Variants in POU2F3 observed in about 807,000 individuals in gnomAD.
The protein encoded by POU2F3 is POU domain, class 2, transcription factor 3.
Under a neutral mutation model 59.2 loss-of-function variants are expected in POU2F3, and 23 were observed. The ratio of observed to expected loss-of-function variants is 0.39; its 90% CI spans 0.28 to 0.55. POU2F3 has a LOEUF of 0.55. POU2F3 is among the 20% of genes least tolerant of loss of function. The pLI, the probability that POU2F3 is intolerant of heterozygous loss-of-function variation, is 0.66. For missense variants in POU2F3, 473 were observed against 544.5 expected, an observed-to-expected ratio of 0.87 and a Z score of 1.31; for synonymous variants, 190 against 214.6, an observed-to-expected ratio of 0.89 and a Z score of 1.00.
chr11:120,279,185 T>TC (rs1940458383), intron 3 of POU2F3, among the ~76,000 whole-genome samples: 2 of 151,630 alleles, frequency 1.3e-5, no homozygotes, highest in East Asian at 1.9e-4. Context: ...TCTGTGGTTC[T>TC]CCCCCCACCA....
intron 6 of POU2F3, 59 bp from the exon 7 acceptor site, chr11:120,304,971 A>AAAAAAAAAAAATTT: frequency 1.0e-6 from 1 of 991,260 alleles, no homozygotes; most frequent in Non-Finnish European, 1.4e-6. Flanking sequence ...AAAAAAAAAA[A>AAAAAAAAAAAATTT]TCAGAAAATG....
At position 120,272,347 on chromosome 11, in the gene POU2F3, T is replaced by C. The variant is rs1216986706; in HGVS notation, c.132+3103T>C. On this transcript the variant is annotated intron_variant, in intron 3 of 12. Transcript: ENST00000543440. Reference sequence around the variant, plus strand: ...GCCCATTTTTCCCATGAGGCCTTGCTGCACCTGCCCTGCTCCCTGTATCCA... The same window carrying C: ...GCCCATTTTTCCCATGAGGCCTTGCCGCACCTGCCCTGCTCCCTGTATCCA... Among the ~76,000 whole-genome samples the C allele has an allele frequency of 3.3e-5, 5 of 152,340 alleles. No homozygotes were observed. In the East Asian group the frequency reaches 9.7e-4, roughly 29 times the overall value.
At chr11:120,300,159 C>T (rs1015907389) in intron 5 of POU2F3, among the ~76,000 whole-genome samples, 3 of 152,172 alleles carry the variant, frequency 2.0e-5, no homozygotes, top group Non-Finnish European at 4.4e-5. Flanking sequence ...AGCAGTGCCA[C>T]CCACAGGTTG....
chr11:120,240,329 C>T lies in POU2F3; in HGVS notation c.-15C>T, dbSNP rs776782625. 5.1e-6 allele frequency: 7 copies of T among 1,383,040 alleles called. No individual in the cohort carries two copies. The African/African-American group carries it at 8.8e-5, about 17-fold the overall frequency. 85.7% of individuals were successfully genotyped at this position (1,383,040 alleles called of 1,614,324 possible). A position where few individuals can be genotyped will look rare whatever the true frequency, so the allele number is the denominator to read the frequency against. The stretch of plus-strand genomic sequence containing the variant: ...GGCCTGGGGGGGCGCTGGCTTTGGC[C>T]CCGCCTGGGGCAGGATGGTGAATCT... On this transcript the variant is annotated 5_prime_UTR_variant, in exon 1 of 13. Coordinates refer to ENST00000543440, the MANE Select transcript of POU2F3 (RefSeq NM_014352.4).
At chr11:120,236,727 T>G (rs1002908268), upstream of POU2F3, 9 of 1,464,784 alleles carry the variant, frequency 6.1e-6, no homozygotes, top group East Asian at 4.9e-5. Context: ...TTCTCTACGT[T>G]CCCATTCTAG....
intron 3 of POU2F3, among the ~76,000 whole-genome samples, chr11:120,277,965 A>G (rs918619467): frequency 1.1e-4 from 17 of 152,212 alleles, no homozygotes; most frequent in African/African-American, 3.9e-4. Flanking sequence ...AGACACAAGT[A>G]CAGGCTGATA....
chr11:120,256,509 C>T (rs969610317), intron 2 of POU2F3: 6 of 152,200 alleles, frequency 3.9e-5, no homozygotes, highest in Middle Eastern at 3.2e-3. Flanking sequence ...TACATTCACT[C>T]GTGGTCAGCA....
At chr11:120,265,066 C>T (rs1939769607) in intron 2 of POU2F3, among the ~76,000 whole-genome samples, 1 of 152,200 alleles carries the variant, frequency 6.6e-6, no homozygotes. Flanking sequence ...TCCCAGGTAC[C>T]ACCTTCCATG....
intron 1 of POU2F3, among the ~76,000 whole-genome samples, chr11:120,243,248 G>A (rs1158107229): frequency 6.6e-6 from 1 of 152,132 alleles, no homozygotes; most frequent in Non-Finnish European, 1.5e-5. Flanking sequence ...AGGAGCCAGA[G>A]GGAGCTCCCG....
chr11:120,288,850 T>C (rs1158367806), intron 3 of POU2F3, among the ~76,000 whole-genome samples: 1 of 151,786 alleles, frequency 6.6e-6, no homozygotes, highest in Non-Finnish European at 1.5e-5. Context: ...ATGTAATACA[T>C]ACATGTGCAT....
chr11:120,264,101 T>C (rs1939722782), intron 2 of POU2F3, among the ~76,000 whole-genome samples: 1 of 152,046 alleles, frequency 6.6e-6, no homozygotes, highest in East Asian at 1.9e-4. Context: ...CTGGGCGCAG[T>C]GGCTCATGCC....
At position 120,286,847 on chromosome 11, in the gene POU2F3, C is replaced by T. The variant is rs142998943; in HGVS notation, c.133-11418C>T. ...TTTTTTTTTTGTGAATCTTGATGTC[C>T]GCGCAGAGTATTAGCTGGCCCTGCT... is the stretch of plus-strand genomic sequence containing the variant. On this transcript the variant is annotated intron_variant, in intron 3 of 12. Transcript: ENST00000543440. 7.6e-4 allele frequency among the ~76,000 whole-genome samples: 115 copies of T among 151,994 alleles called. No homozygotes were observed. In the East Asian group the frequency reaches 0.019, roughly 25 times the overall value.
intron 3 of POU2F3, among the ~76,000 whole-genome samples, chr11:120,276,993 C>T (rs1055275029): frequency 4.3e-4 from 65 of 151,144 alleles, no homozygotes; most frequent in Non-Finnish European, 6.2e-4. Flanking sequence ...ATAAAAAATA[C>T]AAAATACAAA....
chr11:120,315,718 AG>A (rs1276128644), intron 11 of POU2F3, among the ~76,000 whole-genome samples: 1 of 152,182 alleles, frequency 6.6e-6, no homozygotes, highest in African/African-American at 2.4e-5. Flanking sequence ...AGGGGAGGCA[AG>A]GCTTCCCAAA....
intron 8 of POU2F3, 130 bp from the exon 9 acceptor site, chr11:120,307,349 G>C (rs1591440456): frequency 9.5e-7 from 1 of 1,051,440 alleles, no homozygotes; most frequent in Non-Finnish European, 1.4e-6. Context: ...CTCCCTGCTG[G>C]GGGAGGGGAT....
intron 2 of POU2F3, among the ~76,000 whole-genome samples, chr11:120,250,675 A>G (rs1939058297): frequency 1.3e-5 from 2 of 152,240 alleles, no homozygotes; most frequent in African/African-American, 2.4e-5. Context: ...GGGACAGGGG[A>G]CATAAGACAA....
chr11:120,276,868 C>A (rs1328763486), intron 3 of POU2F3, among the ~76,000 whole-genome samples: 5 of 152,054 alleles, frequency 3.3e-5, no homozygotes, highest in Admixed American at 3.3e-4. Flanking sequence ...ACCCTCCTGG[C>A]CGGGTGCAGT....
intron 3 of POU2F3, among the ~76,000 whole-genome samples, chr11:120,278,429 C>G (rs1940424532): frequency 1.3e-5 from 2 of 152,138 alleles, no homozygotes; most frequent in Admixed American, 6.5e-5. Flanking sequence ...GACCTTGACC[C>G]ACCAAGGGGA....
At position 120,317,159 on chromosome 11, in the gene POU2F3, G is replaced by A. The variant is rs1439645031; in HGVS notation, c.1136-70G>A. 2.5e-6 allele frequency: 4 copies of A among 1,570,608 alleles called. No homozygotes were observed. The African/African-American group carries it at 4.1e-5, about 16-fold the overall frequency. ...TACACCAGGAAATTTGTGTCTGAGG[G>A]GCTATGTCCCGATGTCCCGGGATCC... On this transcript the variant is annotated intron_variant, in intron 11 of 12. Coordinates refer to ENST00000543440, the MANE Select transcript of POU2F3 (RefSeq NM_014352.4).
Sources: allele counts gnomAD v4.1 joint callset (sites outside exome capture counted in the v4.1 genomes callset), GRCh38; gene constraint gnomAD v4.1.1; transcripts MANE v1.5; gene names NCBI Gene and HGNC (gene_info 2026-07-23, HGNC 2026-07-21).